The following SAMTOR variants were observed in gnomAD, a reference collection of about 807,000 sequenced individuals.
SAMTOR encodes S-adenosylmethionine sensor upstream of mTORC1, also known as UPF0532 protein C7orf60.
At chr7:112,862,987 A>T in the SAMTOR span, among the ~76,000 whole-genome samples, 1 of 152,034 alleles carries the variant, frequency 6.6e-6, no homozygotes, top group African/African-American at 2.4e-5. Flanking sequence ...AGCCACTATG[A>T]CAGCTGATGA....
At chr7:112,825,521 T>C in the SAMTOR span, among the ~76,000 whole-genome samples, 1 of 152,238 alleles carries the variant, frequency 6.6e-6, no homozygotes, top group African/African-American at 2.4e-5. Context: ...CACAAATTTC[T>C]GTATATTGAT....
chr7:112,904,893 G>C, the SAMTOR span, among the ~76,000 whole-genome samples: 1 of 152,110 alleles, frequency 6.6e-6, no homozygotes, highest in Admixed American at 6.5e-5. Context: ...TTGATATTTT[G>C]GGAGGGGTGT....
chr7:112,904,182 A>G, the SAMTOR span, among the ~76,000 whole-genome samples: 24 of 152,262 alleles, frequency 1.6e-4, no homozygotes, highest in South Asian at 5.0e-3. Context: ...GCCCTAAAAA[A>G]CATAATAAAG....
At chr7:112,822,204 G>A in the SAMTOR span, 1 of 1,613,694 alleles carries the variant, frequency 6.2e-7, no homozygotes, top group Non-Finnish European at 8.5e-7. Context: ...TCGCTGGTAA[G>A]GAGATGGAAA....
the SAMTOR span, among the ~76,000 whole-genome samples, chr7:112,841,518 T>A: frequency 0.048 from 7,257 of 152,038 alleles, 573 homozygotes; most frequent in African/African-American, 0.16. Context: ...ATTTATAGAT[T>A]TAATGCTATC....
the SAMTOR span, among the ~76,000 whole-genome samples, chr7:112,902,980 C>A: frequency 3.9e-5 from 6 of 152,150 alleles, no homozygotes; most frequent in African/African-American, 9.7e-5. Flanking sequence ...CTACACATAT[C>A]CAAATTGAGA....
the SAMTOR span, among the ~76,000 whole-genome samples, chr7:112,833,211 G>C: frequency 1.6e-4 from 25 of 152,144 alleles, no homozygotes; most frequent in Non-Finnish European, 3.2e-4. Flanking sequence ...TGTAGTCTCT[G>C]GAAAACTCCA....
the SAMTOR span, among the ~76,000 whole-genome samples, chr7:112,848,329 A>G: frequency 6.6e-6 from 1 of 152,210 alleles, no homozygotes; most frequent in Non-Finnish European, 1.5e-5. Flanking sequence ...CATTAAAAAT[A>G]CTTTACATGT....
chr7:112,866,208 G>A, the SAMTOR span, among the ~76,000 whole-genome samples: 1 of 152,066 alleles, frequency 6.6e-6, no homozygotes, highest in Non-Finnish European at 1.5e-5. Flanking sequence ...TCTGTATAGA[G>A]AGCTGAACTG....
chr7:112,845,732 G>C, the SAMTOR span, among the ~76,000 whole-genome samples: 1 of 152,054 alleles, frequency 6.6e-6, no homozygotes, highest in Non-Finnish European at 1.5e-5. Context: ...CCTATCACTG[G>C]CTGTATACCC....
At chr7:112,918,044 C>T in the SAMTOR span, among the ~76,000 whole-genome samples, 1 of 152,196 alleles carries the variant, frequency 6.6e-6, no homozygotes, top group Non-Finnish European at 1.5e-5. Context: ...TCCAGGAGAA[C>T]TTCCCCAATC....
At chr7:112,935,367 A>G in the SAMTOR span, 1 of 300,688 alleles carries the variant, frequency 3.3e-6, no homozygotes, top group South Asian at 2.8e-5. Context: ...CATCACATTC[A>G]TTCTCTTATT....
chr7:112,902,416 C>CAAAAAAA, the SAMTOR span, among the ~76,000 whole-genome samples: 112 of 12,254 alleles, frequency 9.1e-3, 10 homozygotes, highest in East Asian at 0.033. Context: ...AACTCCGTCT[C>CAAAAAAA]AAAAAAAAAA....
At chr7:112,926,267 A>G in the SAMTOR span, among the ~76,000 whole-genome samples, 1 of 152,206 alleles carries the variant, frequency 6.6e-6, no homozygotes, top group African/African-American at 2.4e-5. Flanking sequence ...CATCTGTTAG[A>G]AATTCTTAGA....
chr7:112,893,685 C>T, the SAMTOR span, among the ~76,000 whole-genome samples: 5 of 152,256 alleles, frequency 3.3e-5, no homozygotes, highest in South Asian at 6.2e-4. Flanking sequence ...AGGTGGATCA[C>T]GAGGTCAAGA....
the SAMTOR span, chr7:112,822,267 G>A: frequency 6.2e-7 from 1 of 1,613,468 alleles, no homozygotes; most frequent in East Asian, 2.2e-5. Context: ...TCCAGGAAGA[G>A]AATCAATAGG....
At chr7:112,917,894 G>C in the SAMTOR span, among the ~76,000 whole-genome samples, 1 of 152,080 alleles carries the variant, frequency 6.6e-6, no homozygotes, top group African/African-American at 2.4e-5. Flanking sequence ...GGGAAGTTTA[G>C]AGAAAAAAGA....
the SAMTOR span, among the ~76,000 whole-genome samples, chr7:112,873,421 A>G: frequency 6.6e-6 from 1 of 152,046 alleles, no homozygotes; most frequent in African/African-American, 2.4e-5. Context: ...GCCACACACA[A>G]GGAGCTGATT....
At chr7:112,849,906 T>C in the SAMTOR span, among the ~76,000 whole-genome samples, 338 of 152,320 alleles carry the variant, frequency 2.2e-3, 2 homozygotes, top group Admixed American at 3.5e-3. Flanking sequence ...ATTGATTGCA[T>C]ATGTTAAACC....
Sources: allele counts gnomAD v4.1 joint callset (sites outside exome capture counted in the v4.1 genomes callset), GRCh38; gene constraint gnomAD v4.1.1; transcripts MANE v1.5; gene names NCBI Gene and HGNC (gene_info 2026-07-23, HGNC 2026-07-21).